Variants in GALNTL6 observed in about 807,000 individuals in gnomAD.
GALNTL6 encodes the protein polypeptide N-acetylgalactosaminyltransferase like 6, also known as polypeptide N-acetylgalactosaminyltransferase-like 6.
In GALNTL6, 46 loss-of-function variants were observed where a neutral mutation model predicts 73.7. The observed-to-expected ratio is 0.62, with a 90% CI of 0.49 to 0.80. GALNTL6 has a LOEUF of 0.80. Among genes scored for constraint, GALNTL6 ranks in the 30% least tolerant of loss-of-function variants. The probability of loss-of-function intolerance (pLI) is 0.00; values close to 1 mark genes in which losing one functional copy is unlikely to be tolerated. For synonymous variants in GALNTL6, 259 were observed against 263.7 expected (o/e 0.98, Z 0.17); for missense variants, 604 against 755.0 (o/e 0.80, Z 2.34).
chr4:172,369,635 C>T (rs1363265314), intron 5 of GALNTL6, among the ~76,000 whole-genome samples: 5 of 152,166 alleles, frequency 3.3e-5, no homozygotes, highest in South Asian at 2.1e-4. Flanking sequence ...GGCTGAGGCC[C>T]GGTGAGAATT....
chr4:172,239,047 T>C (rs1428393315), intron 3 of GALNTL6, among the ~76,000 whole-genome samples: 5 of 152,188 alleles, frequency 3.3e-5, no homozygotes, highest in Non-Finnish European at 7.4e-5. Context: ...ATCAAAGATA[T>C]TAGCCTATAA....
chr4:172,051,088 G>A (rs978546511), intron 2 of GALNTL6, among the ~76,000 whole-genome samples: 2 of 152,174 alleles, frequency 1.3e-5, no homozygotes, highest in Admixed American at 6.6e-5. Flanking sequence ...CAGAGTGTTA[G>A]TGAAGCAGGA....
intron 2 of GALNTL6, among the ~76,000 whole-genome samples, chr4:172,009,427 CT>C (rs1264218338): frequency 3.3e-5 from 5 of 152,088 alleles, no homozygotes; most frequent in Non-Finnish European, 5.9e-5. Context: ...GGTCTACCCC[CT>C]GTGCCTGTCC....
intron 5 of GALNTL6, among the ~76,000 whole-genome samples, chr4:172,548,922 ATGT>A (rs1331266186): frequency 2.6e-5 from 4 of 152,108 alleles, no homozygotes; most frequent in Non-Finnish European, 2.9e-5. Context: ...TAAAATCTTA[ATGT>A]TGTTTCTCTA....
chr4:171,816,385 A>C (rs1288866462), intron 2 of GALNTL6: 1 of 151,984 alleles, frequency 6.6e-6, no homozygotes, highest in African/African-American at 2.4e-5. Context: ...TGACAGTTTA[A>C]CTCTCTGATC....
intron 5 of GALNTL6, among the ~76,000 whole-genome samples, chr4:172,581,311 G>A (rs988010719): frequency 6.6e-6 from 1 of 152,110 alleles, no homozygotes; most frequent in African/African-American, 2.4e-5. Context: ...CTGCCTTGAT[G>A]GAGTCATTTT....
intron 5 of GALNTL6, among the ~76,000 whole-genome samples, chr4:172,456,852 C>T (rs1288059605): frequency 2.6e-5 from 4 of 152,082 alleles, no homozygotes; most frequent in South Asian, 4.1e-4. Flanking sequence ...ATACAGAGAA[C>T]ACCACAAAGA....
intron 2 of GALNTL6, among the ~76,000 whole-genome samples, chr4:171,909,592 C>T (rs944170905): frequency 1.3e-5 from 2 of 151,980 alleles, no homozygotes; most frequent in South Asian, 2.1e-4. Context: ...TAACTGAGGA[C>T]GGTAGAAAAA....
At chr4:172,169,193 G>C (rs941426959) in intron 2 of GALNTL6, among the ~76,000 whole-genome samples, 1 of 152,010 alleles carries the variant, frequency 6.6e-6, no homozygotes, top group East Asian at 1.9e-4. Context: ...GACCCAAGTA[G>C]CTGGGATTTG....
chr4:172,894,312 T>C (rs1361077037), intron 8 of GALNTL6, among the ~76,000 whole-genome samples: 2 of 152,206 alleles, frequency 1.3e-5, no homozygotes, highest in East Asian at 3.8e-4. Context: ...GAAGTTTGTC[T>C]ATTTTTTATG....
At chr4:172,186,981 A>G (rs1430287410) in intron 2 of GALNTL6, among the ~76,000 whole-genome samples, 1 of 152,112 alleles carries the variant, frequency 6.6e-6, no homozygotes, top group African/African-American at 2.4e-5. Flanking sequence ...TAAAATTGGT[A>G]CATTGCCCAC....
intron 5 of GALNTL6, among the ~76,000 whole-genome samples, chr4:172,388,107 A>C (rs1214371639): frequency 6.6e-6 from 1 of 152,106 alleles, no homozygotes; most frequent in Non-Finnish European, 1.5e-5. Flanking sequence ...TCCAAGTGTT[A>C]CTTTGTTATC....
intron 5 of GALNTL6, among the ~76,000 whole-genome samples, chr4:172,373,883 A>G (rs1742922776): frequency 6.6e-6 from 1 of 152,142 alleles, no homozygotes; most frequent in South Asian, 2.1e-4. Context: ...AGGACAGGAG[A>G]TTAACACTGA....
At chr4:172,345,529 A>G (rs919485142) in intron 4 of GALNTL6, among the ~76,000 whole-genome samples, 1 of 152,188 alleles carries the variant, frequency 6.6e-6, no homozygotes, top group African/African-American at 2.4e-5. Flanking sequence ...AGTATTTCCA[A>G]GTATAACAAA....
At chr4:172,333,861 G>T (rs1741217497) in intron 4 of GALNTL6, among the ~76,000 whole-genome samples, 1 of 152,064 alleles carries the variant, frequency 6.6e-6, no homozygotes. Context: ...GTTTATTTTT[G>T]TATGTGGTGA....
At chr4:172,863,833 T>C (rs1244870323) in intron 7 of GALNTL6, among the ~76,000 whole-genome samples, 2 of 152,142 alleles carry the variant, frequency 1.3e-5, no homozygotes, top group Admixed American at 6.5e-5. Context: ...TGGAATTATA[T>C]GGTTTGGCTG....
intron 3 of GALNTL6, among the ~76,000 whole-genome samples, chr4:172,308,724 A>G (rs527319080): frequency 1.8e-4 from 27 of 152,348 alleles, no homozygotes; most frequent in Non-Finnish European, 3.8e-4. Flanking sequence ...ATATAAGTCC[A>G]AGAGACCTTA....
intron 4 of GALNTL6, among the ~76,000 whole-genome samples, chr4:172,334,823 T>A (rs1290251170): frequency 6.6e-6 from 1 of 152,190 alleles, no homozygotes; most frequent in Admixed American, 6.5e-5. Flanking sequence ...GGAATGCTTC[T>A]AGCTTTTGCC....
At chr4:171,853,173 G>T (rs1199633137) in intron 2 of GALNTL6, among the ~76,000 whole-genome samples, 1 of 151,834 alleles carries the variant, frequency 6.6e-6, no homozygotes, top group South Asian at 2.1e-4. Context: ...AGATGTAGGA[G>T]GTTAAAGGGT....
Sources: gnomAD v4.1 joint callset for allele counts (sites outside exome capture counted in the v4.1 genomes callset) on GRCh38, gnomAD v4.1.1 for gene constraint, MANE v1.5 for transcripts, NCBI Gene and HGNC (gene_info 2026-07-23, HGNC 2026-07-21) for gene names.